Variants in DCAF8L2 observed in about 807,000 individuals in gnomAD.
The protein encoded by DCAF8L2 is DDB1 and CUL4 associated factor 8 like 2.
For synonymous variants in DCAF8L2, 200 were observed against 190.9 expected (o/e 1.05, Z -0.39); for missense variants, 430 against 490.7 (o/e 0.88, Z 1.17).
At chrX:27,554,816 T>C in the DCAF8L2 span, among the ~76,000 whole-genome samples, 2 of 111,264 alleles carry the variant, frequency 1.8e-5, no homozygotes, top group Non-Finnish European at 3.8e-5. Flanking sequence ...TACAGTCAGG[T>C]GGGTTCTTTT....
intron 2 of DCAF8L2, among the ~76,000 whole-genome samples, chrX:27,646,653 T>C (rs1928949734): frequency 9.0e-6 from 1 of 111,201 alleles, no homozygotes; most frequent in African/African-American, 3.3e-5. Context: ...TTTTGCAATC[T>C]ATCCATCTGA....
chrX:27,498,982 C>A, the DCAF8L2 span, among the ~76,000 whole-genome samples: 2 of 112,086 alleles, frequency 1.8e-5, no homozygotes, highest in African/African-American at 6.5e-5. Flanking sequence ...TCAACAGGCT[C>A]TTAGGTTGAT....
intron 3 of DCAF8L2, among the ~76,000 whole-genome samples, chrX:27,697,383 T>G (rs1885191401): frequency 9.0e-6 from 1 of 111,538 alleles, no homozygotes; most frequent in Non-Finnish European, 1.9e-5. Flanking sequence ...CTAATAGCTT[T>G]GGGGATTGGG....
At chrX:27,703,871 G>T (rs1367860184) in intron 3 of DCAF8L2, among the ~76,000 whole-genome samples, 1 of 109,520 alleles carries the variant, frequency 9.1e-6, no homozygotes, top group African/African-American at 3.3e-5. Flanking sequence ...ACATATCTAA[G>T]CAATAAAGGA....
the DCAF8L2 span, among the ~76,000 whole-genome samples, chrX:27,528,503 C>T: frequency 0.028 from 1,339 of 47,951 alleles, 11 homozygotes; most frequent in Non-Finnish European, 0.05. Flanking sequence ...TATATATATA[C>T]ACACACACAC....
chrX:27,566,266 T>A, the DCAF8L2 span, among the ~76,000 whole-genome samples: 1 of 111,469 alleles, frequency 9.0e-6, no homozygotes, highest in Non-Finnish European at 1.9e-5. Flanking sequence ...TATCTGTGCT[T>A]GCAGCTTGAG....
At chrX:27,482,079 T>C in the DCAF8L2 span, among the ~76,000 whole-genome samples, 8 of 111,839 alleles carry the variant, frequency 7.2e-5, no homozygotes, top group African/African-American at 2.3e-4. Flanking sequence ...TCTTAGTGTT[T>C]TTATTTCCCA....
At chrX:27,644,321 CA>C (rs1317381688) in intron 2 of DCAF8L2, among the ~76,000 whole-genome samples, 1 of 111,855 alleles carries the variant, frequency 8.9e-6, no homozygotes, top group African/African-American at 3.3e-5. Context: ...CAACAGTTTT[CA>C]ATGATCACTT....
intron 4 of DCAF8L2, among the ~76,000 whole-genome samples, chrX:27,738,132 G>A (rs752460427): frequency 5.4e-5 from 6 of 111,513 alleles, no homozygotes; most frequent in Non-Finnish European, 9.4e-5. Flanking sequence ...TAATGTCCTG[G>A]GATATTCAAG....
intron 3 of DCAF8L2, among the ~76,000 whole-genome samples, chrX:27,714,896 A>AT (rs1436019389): frequency 1.8e-5 from 2 of 111,468 alleles, no homozygotes; most frequent in African/African-American, 6.5e-5. Flanking sequence ...AACCACATGG[A>AT]TTTTTTTATT....
chrX:27,547,424 G>A, the DCAF8L2 span, among the ~76,000 whole-genome samples: 2 of 111,754 alleles, frequency 1.8e-5, no homozygotes, highest in Non-Finnish European at 3.8e-5. Context: ...CCAATTTACT[G>A]TATTAGTCCA....
rs1921117477 is a variant in DCAF8L2, at chrX:27,730,332, T to G, written c.-59+14161T>G. Among the ~76,000 whole-genome samples the G allele has an allele frequency of 3.6e-5, 4 of 112,383 alleles. No individual in the cohort carries two copies. The South Asian group carries it at 1.5e-3, about 41-fold the overall frequency. ...ACATGAGATCTACCCTTAACAAATTTTAAGTACACAATACAGTATTGTTAA... is the reference window on the plus strand; with the variant it reads ...ACATGAGATCTACCCTTAACAAATTGTAAGTACACAATACAGTATTGTTAA... On this transcript the variant is annotated intron_variant, in intron 4 of 4. Coordinates refer to ENST00000451261, the MANE Select transcript of DCAF8L2 (RefSeq NM_001353450.2).
At chrX:27,594,183 C>CT (rs1294121052) in intron 1 of DCAF8L2, among the ~76,000 whole-genome samples, 4 of 111,359 alleles carry the variant, frequency 3.6e-5, no homozygotes, top group African/African-American at 9.8e-5. Flanking sequence ...ACATCTATAA[C>CT]TTTTTTTACA....
chrX:27,543,583 C>T, the DCAF8L2 span, among the ~76,000 whole-genome samples: 1 of 111,447 alleles, frequency 9.0e-6, no homozygotes, highest in Non-Finnish European at 1.9e-5. Flanking sequence ...ATGGGAGGGA[C>T]CCTCTTTGGA....
chrX:27,548,156 A>T, the DCAF8L2 span, among the ~76,000 whole-genome samples: 2 of 110,172 alleles, frequency 1.8e-5, no homozygotes, highest in African/African-American at 6.6e-5. Flanking sequence ...TTCATAAAGG[A>T]CATAATAATG....
At position 27,747,806 on chromosome X, in the gene DCAF8L2, A is replaced by C. The variant is rs775127901; in HGVS notation, c.911A>C (p.Asn304Thr). 4 of 1,208,908 alleles carry C rather than the reference A, an allele frequency of 3.3e-6. No homozygotes were observed. In the South Asian group the frequency reaches 5.3e-5, roughly 16 times the overall value. The stretch of plus-strand genomic sequence containing the variant: ...CAGGTACGGGTAGCAGAGTTAATTA[A>C]TGCATCATATTTCAACAATACTAAG... Reference protein sequence around the residue: ...DGQVRVAELINASYFNNTKCV... With the variant: ...DGQVRVAELITASYFNNTKCV... The change falls in exon 5 of 5, where the codon AAT becomes ACT. Residue 304 changes from asparagine (N) to threonine (T), a missense_variant. Physicochemically the swap from Asn to Thr is moderately conservative, Grantham distance 65. Transcript: ENST00000451261.
At position 27,747,499 on chromosome X, in the gene DCAF8L2, C is replaced by G. The variant is rs192576268; in HGVS notation, c.604C>G (p.Pro202Ala). 1.1e-3 allele frequency: 1,266 copies of G among 1,175,647 alleles called. 7 individuals are homozygous for G. In the African/African-American group the frequency reaches 0.019, roughly 17 times the overall value. The change falls in exon 5 of 5, where the codon CCC (proline) becomes GCC (alanine). Residue 202 changes from proline (P) to alanine (A), a missense_variant. Coordinates refer to ENST00000451261, the MANE Select transcript of DCAF8L2 (RefSeq NM_001353450.2). The part of the protein sequence containing the change: ...ALHQRQLGSR[P>A]RFVYEACGAR... ...TCACCAGCGGCAGCTGGGTTCACGT[C>G]CCCGCTTTGTATATGAGGCCTGTGG...
chrX:27,618,224 C>T (rs943235925), intron 1 of DCAF8L2, among the ~76,000 whole-genome samples: 1 of 111,568 alleles, frequency 9.0e-6, no homozygotes, highest in Admixed American at 9.6e-5. Context: ...TCCCATTTGT[C>T]ACAGTGGAAT....
At chrX:27,478,347 C>T in the DCAF8L2 span, among the ~76,000 whole-genome samples, 1 of 111,843 alleles carries the variant, frequency 8.9e-6, no homozygotes, top group Admixed American at 9.5e-5. Context: ...TTTAATTTGC[C>T]TGCTAAGAAG....
Sources: allele counts gnomAD v4.1 joint callset (sites outside exome capture counted in the v4.1 genomes callset), GRCh38; gene constraint gnomAD v4.1.1; transcripts MANE v1.5; gene names NCBI Gene and HGNC (gene_info 2026-07-23, HGNC 2026-07-21).